COL4A2: variants seen among roughly 807,000 people sequenced by gnomAD.
COL4A2 encodes collagen alpha-2(IV) chain.
COL4A2 carries 99 observed loss-of-function variants against 200.2 expected under a neutral mutation model. The ratio of observed to expected loss-of-function variants is 0.49; its 90% CI spans 0.42 to 0.58. The LOEUF is 0.58. Ranked by LOEUF, COL4A2 falls within the 20% of genes least tolerant of loss-of-function variation. The pLI is 0.00. For missense variants in COL4A2, 1,950 were observed against 2,314.1 expected (o/e 0.84, Z 3.23); for synonymous variants, 897 against 900.6 (o/e 1.00, Z 0.07).
chr13:110,495,428 G>T lies in COL4A2; in HGVS notation c.3721G>T (p.Val1241Leu), dbSNP rs763891268. Reference sequence around the variant, plus strand: ...AGAGGCCAACACCCTTCCAGGCCCTGTGGGAGTCCCAGGACAGAAAGGAGA... The same window carrying T: ...AGAGGCCAACACCCTTCCAGGCCCTTTGGGAGTCCCAGGACAGAAAGGAGA... ...PGEANTLPGP[V>L]GVPGQKGDQG... Residue 1241 changes from valine (V) to leucine (L), a missense_variant, in exon 40 of 48, where the codon GTG (valine) becomes TTG (leucine). By Grantham distance (32) the Val-to-Leu change is conservative (BLOSUM62 1). Around this residue, in one of 2 missense-constraint regions of COL4A2, gnomAD observed 1,385 missense variants for 1,720.5 expected, o/e 0.80. Transcript: ENST00000360467. The T allele has an allele frequency of 1.2e-6, 2 of 1,613,814 alleles. No homozygotes were observed. The highest frequency in any genetic ancestry group is 2.7e-5 in the African/African-American group (2 of 74,920).
At chr13:110,351,134 C>T (rs1344915642) in intron 3 of COL4A2, among the ~76,000 whole-genome samples, 1 of 152,254 alleles carries the variant, frequency 6.6e-6, no homozygotes, top group Non-Finnish European at 1.5e-5. Context: ...CTGCAACCTC[C>T]ACCTCCCGGG....
intron 43 of COL4A2, 35 bp from the exon 44 acceptor site, chr13:110,503,812 G>C (rs1447940333): frequency 1.2e-6 from 2 of 1,613,574 alleles, no homozygotes; most frequent in East Asian, 2.2e-5. Context: ...GAACGACCTT[G>C]TGTGTTTACT....
At chr13:110,478,875 G>C (rs1342758166) in intron 30 of COL4A2, among the ~76,000 whole-genome samples, 1 of 152,264 alleles carries the variant, frequency 6.6e-6, no homozygotes, top group Non-Finnish European at 1.5e-5. Flanking sequence ...ATAAGGAGTT[G>C]TCTCCATGGA....
At chr13:110,492,017 A>C in intron 37 of COL4A2, 53 bp from the exon 38 acceptor site, 1 of 1,490,390 alleles carries the variant, frequency 6.7e-7, no homozygotes, top group Non-Finnish European at 9.0e-7. Context: ...ACCTCACCAC[A>C]CAGCGCCCAA....
At chr13:110,468,364 C>A (rs1281261703) in intron 27 of COL4A2, 1 of 470,342 alleles carries the variant, frequency 2.1e-6, no homozygotes, top group East Asian at 7.0e-5. Context: ...CATACAGCAA[C>A]CCCCAAAATG....
chr13:110,335,879 T>C (rs1876158462), intron 3 of COL4A2, among the ~76,000 whole-genome samples: 1 of 152,246 alleles, frequency 6.6e-6, no homozygotes. Flanking sequence ...AAACAGATAG[T>C]TGTGGCACAC....
Position 110,512,244 on chromosome 13 carries a change from T to G in COL4A2, c.*53T>G. On this transcript the variant is annotated 3_prime_UTR_variant, in exon 48 of 48. Transcript: ENST00000360467. The stretch of plus-strand genomic sequence containing the variant: ...TGGTGCTTATTCTTAACTTATTACC[T>G]CAGGTGCCAACCCAAAAATTGGTTT... 6.5e-7 allele frequency: 1 copy of G among 1,530,522 alleles called. No homozygotes were observed. The highest frequency in any genetic ancestry group is 8.7e-7 in the Non-Finnish European group (1 of 1,144,264). 94.8% of individuals were successfully genotyped at this position (1,530,522 alleles called of 1,614,324 possible).
At chr13:110,390,064 G>A (rs1156688420) in intron 4 of COL4A2, among the ~76,000 whole-genome samples, 1 of 152,130 alleles carries the variant, frequency 6.6e-6, no homozygotes, top group African/African-American at 2.4e-5. Context: ...GACTCTCAGT[G>A]TTAACGGCCT....
intron 40 of COL4A2, among the ~76,000 whole-genome samples, chr13:110,499,487 C>T (rs1566569060): frequency 6.6e-6 from 1 of 151,786 alleles, no homozygotes; most frequent in Non-Finnish European, 1.5e-5. Context: ...CCACCAGGTC[C>T]CTCCTACGAC....
At chr13:110,338,127 TG>T (rs1231792862) in intron 3 of COL4A2, among the ~76,000 whole-genome samples, 1 of 152,216 alleles carries the variant, frequency 6.6e-6, no homozygotes, top group Non-Finnish European at 1.5e-5. Flanking sequence ...GATCCCTTGT[TG>T]AGTCTGTTTC....
intron 45 of COL4A2, among the ~76,000 whole-genome samples, chr13:110,505,148 A>T (rs1883804797): frequency 6.6e-6 from 1 of 151,358 alleles, no homozygotes; most frequent in African/African-American, 2.4e-5. Flanking sequence ...CAGGAGATCG[A>T]GACCATCCTG....
chr13:110,423,509 G>A (rs1880341213), intron 4 of COL4A2, among the ~76,000 whole-genome samples: 1 of 152,096 alleles, frequency 6.6e-6, no homozygotes, highest in Admixed American at 6.6e-5. Flanking sequence ...TAGGTGATGG[G>A]TTGATACTTT....
intron 27 of COL4A2, 65 bp downstream of exon 27, chr13:110,467,161 T>C: frequency 6.3e-7 from 1 of 1,593,858 alleles, no homozygotes; most frequent in Non-Finnish European, 8.6e-7. Flanking sequence ...CTGCTGTGTC[T>C]CCCCCGCCCA....
At chr13:110,442,144 A>G (rs1881153175) in intron 16 of COL4A2, among the ~76,000 whole-genome samples, 1 of 150,904 alleles carries the variant, frequency 6.6e-6, no homozygotes, top group Non-Finnish European at 1.5e-5. Context: ...GCTCCCTGGA[A>G]CTCCAAAGTT....
intron 26 of COL4A2, among the ~76,000 whole-genome samples, chr13:110,466,718 A>G (rs975882539): frequency 3.9e-5 from 6 of 152,252 alleles, no homozygotes; most frequent in Admixed American, 6.5e-5. Flanking sequence ...ACTGACTTGC[A>G]GGGTAGCAGC....
At chr13:110,335,469 C>A (rs542048835) in intron 3 of COL4A2, among the ~76,000 whole-genome samples, 2 of 152,158 alleles carry the variant, frequency 1.3e-5, no homozygotes, top group Admixed American at 1.3e-4. Context: ...CTCTTGTCTG[C>A]CACCATGTAA....
At chr13:110,394,667 G>T (rs115027038) in intron 4 of COL4A2, among the ~76,000 whole-genome samples, 1,598 of 152,284 alleles carry the variant, frequency 0.01, 28 homozygotes, top group African/African-American at 0.037. Context: ...CATTTGCCAC[G>T]CTTCAGTCAG....
At chr13:110,376,738 T>C (rs1476507709) in intron 4 of COL4A2, among the ~76,000 whole-genome samples, 1 of 152,052 alleles carries the variant, frequency 6.6e-6, no homozygotes, top group South Asian at 2.1e-4. Context: ...CCCAGTGACA[T>C]GGTAGCTGCT....
chr13:110,374,564 C>T (rs1306391655), intron 4 of COL4A2, among the ~76,000 whole-genome samples: 1 of 152,136 alleles, frequency 6.6e-6, no homozygotes, highest in African/African-American at 2.4e-5. Flanking sequence ...TGCGTTTATC[C>T]TACTCTCTTT....
Sources: allele counts gnomAD v4.1 joint callset (sites outside exome capture counted in the v4.1 genomes callset), GRCh38; gene constraint gnomAD v4.1.1; regional missense constraint gnomAD v4.1.1; transcripts MANE v1.5; gene names NCBI Gene and HGNC (gene_info 2026-07-23, HGNC 2026-07-21).